The following TNRC6B variants were observed in gnomAD, a reference collection of about 807,000 sequenced individuals.
TNRC6B encodes trinucleotide repeat-containing gene 6B protein.
TNRC6B carries 52 observed loss-of-function variants against 203.6 expected under a neutral mutation model. The observed-to-expected ratio is 0.26, with a 90% confidence interval of 0.20 to 0.32. The LOEUF (loss-of-function observed/expected upper bound fraction) is 0.32, where lower values mean the gene tolerates loss of function less well. TNRC6B is among the 10% of genes least tolerant of loss of function. TNRC6B has a pLI of 1.00. For missense variants in TNRC6B, 1,923 were observed against 2,286.2 expected, an observed-to-expected ratio of 0.84 and a Z score of 3.24; for synonymous variants, 838 against 845.7, an observed-to-expected ratio of 0.99 and a Z score of 0.16.
chr22:40,289,451 C>T (rs1290951974), intron 12 of TNRC6B, among the ~76,000 whole-genome samples: 1 of 152,110 alleles, frequency 6.6e-6, no homozygotes, highest in Non-Finnish European at 1.5e-5. Context: ...GTGGAAGTCA[C>T]CTCTGATCTT....
intron 1 of TNRC6B, among the ~76,000 whole-genome samples, chr22:40,058,178 C>G (rs1034440468): frequency 6.6e-6 from 1 of 152,172 alleles, no homozygotes; most frequent in Non-Finnish European, 1.5e-5. Context: ...ATGCCCCATA[C>G]CCCAGTATGT....
chr22:40,274,339 C>T, intron 7 of TNRC6B, among the ~76,000 whole-genome samples: 1 of 152,146 alleles, frequency 6.6e-6, no homozygotes, highest in East Asian at 1.9e-4. Context: ...TTGGGAAATT[C>T]CAAGACCCAG....
chr22:40,298,495 G>GA (rs941392250), intron 12 of TNRC6B, among the ~76,000 whole-genome samples: 1 of 152,220 alleles, frequency 6.6e-6, no homozygotes. Context: ...GACATTTGAA[G>GA]AATCAGCCTG....
chr22:40,225,742 CAAAAAAAAA>C (rs34769532), intron 1 of TNRC6B, among the ~76,000 whole-genome samples: 1 of 64,352 alleles, frequency 1.6e-5, no homozygotes, highest in Non-Finnish European at 2.6e-5. Context: ...GACTCCGTCT[CAAAAAAAAA>C]AAAAAAAAAA....
At position 40,139,316 on chromosome 22, in the gene TNRC6B, G is replaced by T. The variant is rs117244431; in HGVS notation, c.45+13454G>T. 3.6e-3 allele frequency among the ~76,000 whole-genome samples: 539 copies of T among 150,422 alleles called. 5 individuals carry two copies. The highest frequency in any genetic ancestry group is 5.2e-3 in the Non-Finnish European group (356 of 67,852). On this transcript the variant is annotated intron_variant, in intron 3 of 23. Coordinates refer to the TNRC6B transcript ENST00000301923. ...TGGCTGAATAATACCCTATTGCATG[G>T]GTGTACGCATTTTTTTTTTTTTTTT... is the stretch of plus-strand genomic sequence containing the variant.
intron 1 of TNRC6B, among the ~76,000 whole-genome samples, chr22:40,059,824 T>G (rs534632461): frequency 2.9e-5 from 4 of 138,506 alleles, no homozygotes; most frequent in South Asian, 4.2e-4. Context: ...GGTTTTTTTT[T>G]TTTTTTTTTT....
chr22:40,285,914 T>A, intron 12 of TNRC6B, 144 bp downstream of exon 12: 1 of 1,074,954 alleles, frequency 9.3e-7, no homozygotes, highest in Non-Finnish European at 1.3e-6. Flanking sequence ...ACCTTTTGGC[T>A]AAGATCAAGT....
At chr22:40,278,461 G>C (rs1210243018) in intron 9 of TNRC6B, among the ~76,000 whole-genome samples, 3 of 151,878 alleles carry the variant, frequency 2.0e-5, no homozygotes, top group Non-Finnish European at 4.4e-5. Flanking sequence ...TGGAGGCTGA[G>C]GCAGGAGAAT....
chr22:40,174,756 C>T (rs1479811850), upstream of TNRC6B, among the ~76,000 whole-genome samples: 1 of 149,244 alleles, frequency 6.7e-6, no homozygotes, highest in East Asian at 2.0e-4. Flanking sequence ...ACCCGGGAGG[C>T]GGAGCTTGCA....
intron 3 of TNRC6B, among the ~76,000 whole-genome samples, chr22:40,260,704 C>T (rs1329862078): frequency 2.0e-5 from 3 of 152,146 alleles, no homozygotes; most frequent in Non-Finnish European, 2.9e-5. Context: ...AAGGACTTTG[C>T]CATGGACATT....
rs5995799 is a variant in TNRC6B, at chr22:40,053,849, G to A, written c.-121+8851G>A. Among the ~76,000 whole-genome samples, 67 of 152,174 alleles carry A rather than the reference G, an allele frequency of 4.4e-4. 1 individual carries two copies. The highest frequency in any genetic ancestry group is 1.6e-3 in the African/African-American group (66 of 41,414). Reference sequence around the variant, plus strand: ...AATAATCTTTTAAAACTACAGATGTGTTCTGTGTATATCTTAATTTAAAAC... The same window carrying A: ...AATAATCTTTTAAAACTACAGATGTATTCTGTGTATATCTTAATTTAAAAC... On this transcript the variant is annotated intron_variant, in intron 1 of 23. Transcript: ENST00000301923.
At chr22:40,073,123 CACATACATAGGGCCTTGGTT>C (rs1369644852) in intron 1 of TNRC6B, among the ~76,000 whole-genome samples, 1 of 150,050 alleles carries the variant, frequency 6.7e-6, no homozygotes, top group Non-Finnish European at 1.5e-5. Context: ...CCACACCCTA[CACATACATAGGGCCTTGGTT>C]TTTTTTTTTT....
At chr22:40,195,840 G>A (rs2069330138) in intron 1 of TNRC6B, among the ~76,000 whole-genome samples, 1 of 152,204 alleles carries the variant, frequency 6.6e-6, no homozygotes, top group East Asian at 1.9e-4. Flanking sequence ...CGCAATATCA[G>A]CTCACTGCAA....
chr22:40,104,996 T>G (rs2068270827), intron 1 of TNRC6B, among the ~76,000 whole-genome samples: 1 of 152,184 alleles, frequency 6.6e-6, no homozygotes, highest in South Asian at 2.1e-4. Context: ...GAATAACAGC[T>G]TGTAGCTAGT....
At chr22:40,125,638 C>T in intron 2 of TNRC6B, 1 of 589,632 alleles carries the variant, frequency 1.7e-6, no homozygotes, top group Admixed American at 3.4e-5. Context: ...TAGACACACA[C>T]ACACACACAA....
intron 1 of TNRC6B, among the ~76,000 whole-genome samples, chr22:40,116,585 CAAG>C (rs1185637889): frequency 6.6e-6 from 1 of 152,042 alleles, no homozygotes; most frequent in African/African-American, 2.4e-5. Flanking sequence ...CCCCAACAAG[CAAG>C]AAGGACAGCA....
intron 4 of TNRC6B, among the ~76,000 whole-genome samples, chr22:40,170,106 C>A (rs572135377): frequency 9.1e-4 from 136 of 149,968 alleles, no homozygotes; most frequent in African/African-American, 3.2e-3. Context: ...ATGGTGAAAC[C>A]CCATCTATAA....
intron 3 of TNRC6B, among the ~76,000 whole-genome samples, chr22:40,137,810 C>A (rs772927352): frequency 1.3e-5 from 2 of 152,002 alleles, no homozygotes; most frequent in Admixed American, 6.6e-5. Flanking sequence ...ATGGTGAAAC[C>A]GCATCTCTAC....
intron 1 of TNRC6B, among the ~76,000 whole-genome samples, chr22:40,093,062 T>C (rs190584526): frequency 6.6e-6 from 1 of 152,324 alleles, no homozygotes; most frequent in Admixed American, 6.5e-5. Context: ...AGTTTAGCCA[T>C]CCACAGTTTA....
Sources: gnomAD v4.1 joint callset for allele counts (sites outside exome capture counted in the v4.1 genomes callset) on GRCh38, gnomAD v4.1.1 for gene constraint, MANE v1.5 for transcripts, NCBI Gene and HGNC (gene_info 2026-07-23, HGNC 2026-07-21) for gene names.